Variants in GLYATL3 observed in about 807,000 individuals in gnomAD.
The protein encoded by GLYATL3 is glycine N-acyltransferase-like protein 3.
Under a neutral mutation model 28.5 loss-of-function variants are expected in GLYATL3, and 31 were observed. The observed-to-expected ratio is 1.09, with a 90% CI of 0.82 to 1.47. The LOEUF (loss-of-function observed/expected upper bound fraction) is 1.47, where lower values mean the gene tolerates loss of function less well. Among genes scored for constraint, GLYATL3 ranks in the 40% most tolerant of loss-of-function variants. The pLI is 0.00. For missense variants in GLYATL3, 369 were observed against 351.5 expected, an observed-to-expected ratio of 1.05 and a Z score of -0.40; for synonymous variants, 141 against 140.2, an observed-to-expected ratio of 1.01 and a Z score of -0.04.
chr6:49,508,084 CAGG>C (rs1769045970), intron 1 of GLYATL3, among the ~76,000 whole-genome samples: 1 of 152,068 alleles, frequency 6.6e-6, no homozygotes, highest in Non-Finnish European at 1.5e-5. Flanking sequence ...ATCGCAAGGT[CAGG>C]AGATCAAGAC....
At chr6:49,502,939 A>T (rs2127430597) in intron 1 of GLYATL3, among the ~76,000 whole-genome samples, 1 of 152,326 alleles carries the variant, frequency 6.6e-6, no homozygotes. Context: ...TTAAAGGATG[A>T]GTCAATCCAA....
intron 2 of GLYATL3, among the ~76,000 whole-genome samples, chr6:49,515,327 C>G (rs777530348): frequency 6.6e-6 from 1 of 152,094 alleles, no homozygotes; most frequent in Non-Finnish European, 1.5e-5. Flanking sequence ...ATTCATTCAG[C>G]AAGTATTTAC....
At chr6:49,501,417 C>A (rs1266276862) in intron 1 of GLYATL3, among the ~76,000 whole-genome samples, 5 of 152,152 alleles carry the variant, frequency 3.3e-5, no homozygotes, top group African/African-American at 1.2e-4. Flanking sequence ...ACTGACTATA[C>A]CAGCATTTAT....
rs1376826645 is a variant in GLYATL3 at position 49,527,486 on chromosome 6, A to G, written c.*572A>G. Among the ~76,000 whole-genome samples, 1 of 152,108 alleles carries G rather than the reference A, an allele frequency of 6.6e-6. No homozygotes were observed. Among genetic ancestry groups the G allele is most frequent in the Non-Finnish European group, 1.5e-5 (1 of 68,016 alleles). ...TAGTTCACTGCCCTGGGAATGTTCA[A>G]ATATAGTGGTTCTTACATTTTAGTG... On this transcript the variant is annotated 3_prime_UTR_variant, in exon 6 of 6. Coordinates refer to ENST00000371197, the MANE Select transcript of GLYATL3 (RefSeq NM_001010904.2).
intron 1 of GLYATL3, among the ~76,000 whole-genome samples, chr6:49,508,366 C>G (rs1421814530): frequency 1.3e-5 from 2 of 152,236 alleles, no homozygotes; most frequent in South Asian, 4.2e-4. Flanking sequence ...CTATGATTAG[C>G]AAGATATTAA....
intron 1 of GLYATL3, among the ~76,000 whole-genome samples, chr6:49,503,997 C>T (rs943168856): frequency 3.0e-4 from 45 of 152,182 alleles, no homozygotes; most frequent in Middle Eastern, 3.4e-3. Context: ...ACATAGACCT[C>T]GATAGGAGCG....
chr6:49,515,675 T>C lies in GLYATL3; in HGVS notation c.101T>C (p.Ile34Thr). 5 of 1,550,364 alleles carry C rather than the reference T, an allele frequency of 3.2e-6. No individual in the cohort carries two copies. Among genetic ancestry groups the C allele is most frequent in the Non-Finnish European group, 4.4e-6 (5 of 1,145,776 alleles). ...CAGGTTTACGGAGCGGTGATGAACATAAATCGTGGGAACCCCTTTCAAAAG... is the reference window on the plus strand; with the variant it reads ...CAGGTTTACGGAGCGGTGATGAACACAAATCGTGGGAACCCCTTTCAAAAG... Reference protein sequence around the residue: ...SLKVYGAVMNINRGNPFQKEV... With the variant: ...SLKVYGAVMNTNRGNPFQKEV... The change falls in exon 3 of 6, where the codon ATA (isoleucine) becomes ACA (threonine). Residue 34 changes from isoleucine (I) to threonine (T), a missense_variant. Transcript: ENST00000371197.
chr6:49,507,030 C>A (rs769957789), intron 1 of GLYATL3, among the ~76,000 whole-genome samples: 1 of 152,002 alleles, frequency 6.6e-6, no homozygotes, highest in African/African-American at 2.4e-5. Context: ...GAGGGGGCAA[C>A]GGCTTAGTAG....
At chr6:49,525,182 A>G (rs1011485558) in intron 5 of GLYATL3, among the ~76,000 whole-genome samples, 5 of 151,090 alleles carry the variant, frequency 3.3e-5, no homozygotes, top group African/African-American at 1.2e-4. Context: ...CAGAGTCAGG[A>G]CTAAATAAAA....
At chr6:49,508,077 G>A (rs12202875) in intron 1 of GLYATL3, among the ~76,000 whole-genome samples, 12,949 of 152,008 alleles carry the variant, frequency 0.085, 637 homozygotes, top group Non-Finnish European at 0.11. Flanking sequence ...CGGGTGGATC[G>A]CAAGGTCAGG....
At chr6:49,520,189 C>T (rs966483553) in intron 4 of GLYATL3, among the ~76,000 whole-genome samples, 75 of 151,948 alleles carry the variant, frequency 4.9e-4, no homozygotes, top group African/African-American at 1.6e-3. Flanking sequence ...GAAAACTGCA[C>T]AGCAAACACC....
chr6:49,509,948 C>CTCTTTCTT (rs71540239), intron 1 of GLYATL3, among the ~76,000 whole-genome samples: 3,935 of 99,980 alleles, frequency 0.039, 92 homozygotes, highest in African/African-American at 0.066. Flanking sequence ...TATTTTCTTT[C>CTCTTTCTT]TCTTTCTTTC....
chr6:49,515,203 G>A (rs965430963), intron 2 of GLYATL3, among the ~76,000 whole-genome samples: 3 of 152,062 alleles, frequency 2.0e-5, no homozygotes, highest in Admixed American at 6.6e-5. Flanking sequence ...AGAAGTAGTC[G>A]CATTTCACAG....
intron 1 of GLYATL3, among the ~76,000 whole-genome samples, chr6:49,502,300 A>G (rs867400636): frequency 2.0e-5 from 3 of 152,222 alleles, no homozygotes; most frequent in East Asian, 3.8e-4. Context: ...TACCCATTGA[A>G]TGGGGTTGAG....
chr6:49,508,570 C>T (rs544020675), intron 1 of GLYATL3, among the ~76,000 whole-genome samples: 3 of 152,072 alleles, frequency 2.0e-5, no homozygotes, highest in Non-Finnish European at 4.4e-5. Flanking sequence ...CTCATGCATC[C>T]GTTTATAGGC....
intron 1 of GLYATL3, among the ~76,000 whole-genome samples, chr6:49,500,670 C>G (rs1363121622): frequency 6.6e-6 from 1 of 152,150 alleles, no homozygotes; most frequent in African/African-American, 2.4e-5. Context: ...TACTTTCAAA[C>G]AGTGAGTCTA....
chr6:49,506,049 G>T (rs942412952), intron 1 of GLYATL3, among the ~76,000 whole-genome samples: 1 of 152,208 alleles, frequency 6.6e-6, no homozygotes, highest in Non-Finnish European at 1.5e-5. Context: ...CATAAGCAGG[G>T]ATGCCTATGG....
chr6:49,512,241 A>T (rs1769134359), intron 2 of GLYATL3, among the ~76,000 whole-genome samples, 173 bp downstream of exon 2: 1 of 148,892 alleles, frequency 6.7e-6, no homozygotes, highest in Admixed American at 6.7e-5. Context: ...TAGACTGTGG[A>T]TAAGGCCCAG....
chr6:49,517,354 C>A, intron 3 of GLYATL3, 76 bp from the exon 4 acceptor site: 1 of 1,276,542 alleles, frequency 7.8e-7, no homozygotes, highest in Non-Finnish European at 1.0e-6. Context: ...GTCCAGCTAA[C>A]GGTATCTAAT....
Sources: allele counts gnomAD v4.1 joint callset (sites outside exome capture counted in the v4.1 genomes callset), GRCh38; gene constraint gnomAD v4.1.1; transcripts MANE v1.5; gene names NCBI Gene and HGNC (gene_info 2026-07-23, HGNC 2026-07-21).